Variants in NR6A1 observed in about 807,000 individuals in gnomAD.
NR6A1 encodes nuclear receptor subfamily 6 group A member 1.
Under a neutral mutation model 59.1 loss-of-function variants are expected in NR6A1, and 7 were observed. The ratio of observed to expected loss-of-function variants is 0.12; its 90% CI spans 0.07 to 0.22. NR6A1 has a LOEUF of 0.22. Ranked by LOEUF, NR6A1 falls within the 10% of genes least tolerant of loss-of-function variation. The pLI is 1.00. For missense variants in NR6A1, 468 were observed against 611.6 expected, an observed-to-expected ratio of 0.77 and a Z score of 2.48; for synonymous variants, 243 against 236.1, an observed-to-expected ratio of 1.03 and a Z score of -0.27.
intron 2 of NR6A1, among the ~76,000 whole-genome samples, chr9:124,682,283 T>C (rs897365052): frequency 6.6e-6 from 1 of 152,194 alleles, no homozygotes; most frequent in Non-Finnish European, 1.5e-5. Context: ...AATACAGGCA[T>C]CAGCCATCGC....
chr9:124,667,039 C>CA (rs1554741934), intron 2 of NR6A1, among the ~76,000 whole-genome samples: 1 of 144,362 alleles, frequency 6.9e-6, no homozygotes, highest in East Asian at 2.0e-4. Context: ...ATCCACCCTA[C>CA]TTTTTTTTTT....
intron 1 of NR6A1, among the ~76,000 whole-genome samples, chr9:124,742,865 G>C (rs1840215764): frequency 6.6e-6 from 1 of 152,204 alleles, no homozygotes; most frequent in African/African-American, 2.4e-5. Context: ...GACAGAGCGA[G>C]ACTCTGTCTC....
intron 2 of NR6A1, among the ~76,000 whole-genome samples, chr9:124,567,557 G>T (rs1313568648): frequency 4.6e-5 from 7 of 151,914 alleles, no homozygotes; most frequent in Admixed American, 4.6e-4. Flanking sequence ...TTGAGCCCGG[G>T]AGTCGGAGAC....
At chr9:124,563,297 AG>A (rs1834131706) in intron 2 of NR6A1, among the ~76,000 whole-genome samples, 1 of 152,170 alleles carries the variant, frequency 6.6e-6, no homozygotes, top group African/African-American at 2.4e-5. Flanking sequence ...TTTCAATTAA[AG>A]TGTGTGCATT....
intron 2 of NR6A1, among the ~76,000 whole-genome samples, chr9:124,643,557 G>A (rs571867719): frequency 2.1e-4 from 32 of 149,654 alleles, no homozygotes; most frequent in African/African-American, 5.9e-4. Context: ...CCAAGATTCC[G>A]CACCACTGCA....
At chr9:124,750,804 GA>G (rs958881287) in intron 1 of NR6A1, among the ~76,000 whole-genome samples, 1 of 150,280 alleles carries the variant, frequency 6.7e-6, no homozygotes, top group African/African-American at 2.4e-5. Flanking sequence ...ACCAGTTAAG[GA>G]AAAAAAAAGT....
intron 2 of NR6A1, among the ~76,000 whole-genome samples, chr9:124,713,194 T>C (rs966108564): frequency 1.3e-5 from 2 of 151,678 alleles, no homozygotes; most frequent in Non-Finnish European, 2.9e-5. Context: ...TAAAATAATA[T>C]CCACATGAGA....
chr9:124,721,457 T>C (rs1839561618), intron 2 of NR6A1, among the ~76,000 whole-genome samples: 1 of 152,108 alleles, frequency 6.6e-6, no homozygotes, highest in African/African-American at 2.4e-5. Flanking sequence ...AACTGAAGCT[T>C]TGGAAGCAGG....
chr9:124,679,717 C>T lies in NR6A1; in HGVS notation c.142+53591G>A, dbSNP rs967613300. On this transcript the variant is annotated intron_variant, in intron 2 of 9. Transcript: ENST00000487099. ...CCAGCCTGGCCAACATGGTAAAACC[C>T]CATCTCTACTAAAAATACAAAAAAA... Among the ~76,000 whole-genome samples, 4 of 151,614 alleles carry T rather than the reference C, an allele frequency of 2.6e-5. No homozygotes were observed. In the South Asian group the frequency reaches 6.3e-4, roughly 24 times the overall value.
intron 2 of NR6A1, among the ~76,000 whole-genome samples, chr9:124,679,929 A>C (rs996300594): frequency 7.2e-5 from 11 of 152,002 alleles, no homozygotes; most frequent in African/African-American, 2.7e-4. Flanking sequence ...TAAGAGTTTA[A>C]AAAAAGACCT....
rs1386403558 is a variant in NR6A1, at chr9:124,551,513, T to TA, written c.385+2814dup. Reference sequence around the variant, plus strand: ...AAGTAGTGAAAAAATTCCTAACACATAACCTTGAGAGAAACAAATTTTACA... The same window carrying TA: ...AAGTAGTGAAAAAATTCCTAACACATAAACCTTGAGAGAAACAAATTTTACA... On this transcript the variant is annotated intron_variant, in intron 3 of 9. Coordinates refer to ENST00000487099, the MANE Select transcript of NR6A1 (RefSeq NM_033334.4). Among the ~76,000 whole-genome samples the TA allele has an allele frequency of 3.0e-4, 45 of 152,322 alleles. 1 individual carries two copies. Among genetic ancestry groups the TA allele is most frequent in the African/African-American group, 8.9e-4 (37 of 41,584 alleles).
intron 6 of NR6A1, among the ~76,000 whole-genome samples, chr9:124,536,789 T>G (rs980639239): frequency 1.3e-5 from 2 of 152,168 alleles, no homozygotes; most frequent in African/African-American, 4.8e-5. Context: ...GCAATGGAAC[T>G]CTAATGGGGT....
rs148373482 is a variant in NR6A1, at chr9:124,738,042, C to T, written c.101-4693G>A. ...AGACTGAGGTGGGCAGATCACGAGG[C>T]CAGGAGTTCAAGACCAGCCTGGCCA... is the stretch of plus-strand genomic sequence containing the variant. On this transcript the variant is annotated intron_variant, in intron 1 of 9. Coordinates refer to ENST00000487099, the MANE Select transcript of NR6A1 (RefSeq NM_033334.4). Among the ~76,000 whole-genome samples the T allele has an allele frequency of 4.6e-5, 7 of 151,884 alleles. No homozygotes were observed. In the East Asian group the frequency reaches 1.4e-3, roughly 30 times the overall value.
chr9:124,564,059 C>T (rs916531083), intron 2 of NR6A1, among the ~76,000 whole-genome samples: 1 of 152,080 alleles, frequency 6.6e-6, no homozygotes, highest in African/African-American at 2.4e-5. Flanking sequence ...GCCTGGATGA[C>T]AAAGCAAGAC....
In NR6A1 at chr9:124,611,161, C is replaced by T. The variant is rs1182543191; in HGVS notation, c.143-56591G>A. 3.3e-5 allele frequency among the ~76,000 whole-genome samples: 5 copies of T among 149,388 alleles called. No individual in the cohort carries two copies. The East Asian group carries it at 7.8e-4, about 23-fold the overall frequency. ...ACTTTCTTTTATCTCTGTGAGCCTT[C>T]ACTTCCCTTACCAAAAAAAAAACAA... On this transcript the variant is annotated intron_variant, in intron 2 of 9. Transcript: ENST00000487099.
intron 2 of NR6A1, among the ~76,000 whole-genome samples, chr9:124,567,831 CTTTTTT>C (rs534591761): frequency 0.028 from 2,798 of 101,302 alleles, 98 homozygotes; most frequent in African/African-American, 0.091. Flanking sequence ...TAAAAATTTG[CTTTTTT>C]TTTTTTTTTT....
chr9:124,572,792 C>T (rs1834475999), intron 2 of NR6A1, among the ~76,000 whole-genome samples: 1 of 152,144 alleles, frequency 6.6e-6, no homozygotes. Context: ...ACAGGAAGAG[C>T]ACTGTGGACA....
intron 2 of NR6A1, among the ~76,000 whole-genome samples, chr9:124,662,448 C>T (rs970498313): frequency 1.3e-5 from 2 of 152,090 alleles, no homozygotes; most frequent in African/African-American, 4.8e-5. Flanking sequence ...GGGAAATAGA[C>T]ACCCTGCAGG....
At chr9:124,544,777 G>C (rs565344623) in intron 3 of NR6A1, among the ~76,000 whole-genome samples, 8 of 152,314 alleles carry the variant, frequency 5.3e-5, no homozygotes, top group African/African-American at 1.7e-4. Context: ...ATTGGGCCTA[G>C]ATTATAAAGA....
Sources: gnomAD v4.1 joint callset for allele counts (sites outside exome capture counted in the v4.1 genomes callset) on GRCh38, gnomAD v4.1.1 for gene constraint, MANE v1.5 for transcripts, NCBI Gene and HGNC (gene_info 2026-07-23, HGNC 2026-07-21) for gene names.